Variants in DLG1 observed in about 807,000 individuals in gnomAD.
DLG1 encodes discs large MAGUK scaffold protein 1, also known as disks large homolog 1.
A neutral mutation model predicts 123.4 loss-of-function variants in DLG1; 42 were observed. The observed-to-expected ratio is 0.34, with a 90% CI of 0.27 to 0.44. The LOEUF (loss-of-function observed/expected upper bound fraction) is 0.44, where lower values mean the gene tolerates loss of function less well. Among genes scored for constraint, DLG1 ranks in the 20% least tolerant of loss-of-function variants. The pLI is 1.00. For synonymous variants in DLG1, 317 were observed against 356.2 expected (o/e 0.89, Z 1.24); for missense variants, 942 against 1,082.6 (o/e 0.87, Z 1.82).
rs962751049 is a variant in DLG1 at position 197,203,859 on chromosome 3, C to T, written c.319-9270G>A. Among the ~76,000 whole-genome samples, 11 of 152,278 alleles carry T rather than the reference C, an allele frequency of 7.2e-5. No individual in the cohort carries two copies. The East Asian group carries it at 1.7e-3, about 24-fold the overall frequency. ...CAAGCAGTAAAAGTGCACAAACTGA[C>T]AACACTATAATTAAAATAGGGCTGG... On this transcript the variant is annotated intron_variant, in intron 4 of 24. Coordinates refer to ENST00000667157, the MANE Select transcript of DLG1 (RefSeq NM_001366207.1).
intron 5 of DLG1, among the ~76,000 whole-genome samples, chr3:197,186,479 G>C (rs918971693): frequency 5.9e-5 from 9 of 152,092 alleles, no homozygotes; most frequent in African/African-American, 9.7e-5. Flanking sequence ...CTTTTTCAGA[G>C]TGATAATATA....
At chr3:197,058,496 G>A (rs1733449799) in intron 23 of DLG1, among the ~76,000 whole-genome samples, 1 of 152,124 alleles carries the variant, frequency 6.6e-6, no homozygotes, top group African/African-American at 2.4e-5. Flanking sequence ...TCACTCAGAA[G>A]CATAATGCTT....
intron 3 of DLG1, among the ~76,000 whole-genome samples, chr3:197,285,464 A>G (rs1036044683): frequency 6.6e-6 from 1 of 152,154 alleles, no homozygotes; most frequent in Non-Finnish European, 1.5e-5. Flanking sequence ...TGGGGAAAAG[A>G]GAATGAAAAG....
At chr3:197,125,432 T>G (rs1010213473) in intron 11 of DLG1, among the ~76,000 whole-genome samples, 2 of 152,128 alleles carry the variant, frequency 1.3e-5, no homozygotes, top group African/African-American at 4.8e-5. Context: ...GCAAAGGACT[T>G]GAAGATGTGC....
At position 197,044,580 on chromosome 3, in the gene DLG1, G is replaced by A. The variant is rs1215443164; in HGVS notation, c.*43C>T. On this transcript the variant is annotated 3_prime_UTR_variant, in exon 25 of 25. Transcript: ENST00000667157. ...GAGGAAAGGGCAAAGAGATGCCAAA[G>A]AAAATGGAATTGTGGAAAAGAGAAA... 2.8e-6 allele frequency: 4 copies of A among 1,423,980 alleles called. No homozygotes were observed. The African/African-American group carries it at 5.6e-5, about 20-fold the overall frequency. 88.2% of individuals were successfully genotyped at this position (1,423,980 alleles called of 1,614,324 possible).
At chr3:197,141,165 C>T (rs934451602) in intron 7 of DLG1, among the ~76,000 whole-genome samples, 1 of 152,202 alleles carries the variant, frequency 6.6e-6, no homozygotes, top group African/African-American at 2.4e-5. Flanking sequence ...ACCCACTCTA[C>T]CACCATTTGT....
In DLG1 at chr3:197,101,500, C is replaced by T. The variant is rs142906821; in HGVS notation, c.1546+3403G>A. Among the ~76,000 whole-genome samples the T allele has an allele frequency of 5.2e-3, 789 of 152,082 alleles. 7 individuals are homozygous for T. Among genetic ancestry groups the T allele is most frequent in the African/African-American group, 0.018 (744 of 41,488 alleles). On this transcript the variant is annotated intron_variant, in intron 14 of 24. Coordinates refer to ENST00000667157, the MANE Select transcript of DLG1 (RefSeq NM_001366207.1). ...TCCCGGGTTCACGCCATTCTCCTGC[C>T]TCAGCCTCGCGAGCAGCTGGGACTA...
chr3:197,071,498 A>G (rs1479618468), intron 18 of DLG1, among the ~76,000 whole-genome samples: 6 of 151,872 alleles, frequency 4.0e-5, no homozygotes, highest in African/African-American at 1.5e-4. Context: ...GTTCTTTCAA[A>G]TATCATTTCA....
intron 4 of DLG1, among the ~76,000 whole-genome samples, chr3:197,281,462 G>C (rs1189743524): frequency 2.0e-5 from 3 of 151,974 alleles, no homozygotes; most frequent in African/African-American, 4.8e-5. Context: ...ATTTTGGAGG[G>C]GACACATTCA....
At chr3:197,156,378 G>A (rs938879793) in intron 5 of DLG1, among the ~76,000 whole-genome samples, 4 of 152,098 alleles carry the variant, frequency 2.6e-5, no homozygotes, top group African/African-American at 9.7e-5. Flanking sequence ...AGACAGTAAT[G>A]CAGGAAATGA....
At chr3:197,177,941 C>G (rs895672282) in intron 5 of DLG1, among the ~76,000 whole-genome samples, 4 of 152,004 alleles carry the variant, frequency 2.6e-5, no homozygotes, top group African/African-American at 9.7e-5. Flanking sequence ...CTGCTTGGGC[C>G]CTCCTTAGCA....
chr3:197,254,481 C>G (rs1755918756), intron 4 of DLG1, among the ~76,000 whole-genome samples: 2 of 152,258 alleles, frequency 1.3e-5, no homozygotes, highest in South Asian at 4.2e-4. Flanking sequence ...TTCAATGGTT[C>G]TTTTATACGT....
chr3:197,078,001 C>T (rs1052938630), intron 17 of DLG1, among the ~76,000 whole-genome samples: 2 of 151,886 alleles, frequency 1.3e-5, no homozygotes, highest in Non-Finnish European at 2.9e-5. Context: ...TTATTTTAAG[C>T]ATGTGATGCC....
intron 14 of DLG1, among the ~76,000 whole-genome samples, chr3:197,102,188 A>AT (rs1408581037): frequency 6.6e-6 from 1 of 152,174 alleles, no homozygotes; most frequent in African/African-American, 2.4e-5. Flanking sequence ...TGTAGAGATT[A>AT]TTTTTTCTCA....
chr3:197,113,719 T>A (rs565301914), intron 13 of DLG1, among the ~76,000 whole-genome samples: 1 of 152,314 alleles, frequency 6.6e-6, no homozygotes, highest in South Asian at 2.1e-4. Flanking sequence ...AAATCGTAGC[T>A]TTTAAGATTA....
chr3:197,165,635 T>C (rs886135332), intron 5 of DLG1, among the ~76,000 whole-genome samples: 3 of 152,180 alleles, frequency 2.0e-5, no homozygotes, highest in Non-Finnish European at 4.4e-5. Context: ...AATTCCACAT[T>C]ATGAGCTCAA....
intron 22 of DLG1, among the ~76,000 whole-genome samples, chr3:197,062,184 TG>T (rs1034203383): frequency 6.6e-6 from 1 of 152,218 alleles, no homozygotes; most frequent in African/African-American, 2.4e-5. Context: ...CCTACCCTAC[TG>T]AACATCATAC....
At chr3:197,083,111 T>C (rs980015148) in intron 16 of DLG1, among the ~76,000 whole-genome samples, 2 of 152,182 alleles carry the variant, frequency 1.3e-5, no homozygotes, top group African/African-American at 4.8e-5. Flanking sequence ...TAAAAGAGGA[T>C]TTGTCATCAA....
chr3:197,288,767 C>CATACATACATACATAG (rs1773354058), intron 3 of DLG1, among the ~76,000 whole-genome samples: 1 of 118,112 alleles, frequency 8.5e-6, no homozygotes, highest in African/African-American at 2.8e-5. Flanking sequence ...TACATACATA[C>CATACATACATACATAG]ATACATAAAA....
Sources: gnomAD v4.1 joint callset for allele counts (sites outside exome capture counted in the v4.1 genomes callset) on GRCh38, gnomAD v4.1.1 for gene constraint, MANE v1.5 for transcripts, NCBI Gene and HGNC (gene_info 2026-07-23, HGNC 2026-07-21) for gene names.